Variants in OPRD1 observed in about 807,000 individuals in gnomAD.
The protein encoded by OPRD1 is opioid receptor delta 1, also known as delta-type opioid receptor.
A neutral mutation model predicts 17.5 loss-of-function variants in OPRD1; 19 were observed. The observed-to-expected ratio is 1.09, with a 90% confidence interval of 0.76 to 1.60. The LOEUF is 1.60. Ranked by LOEUF, OPRD1 falls within the 40% of genes most tolerant of loss-of-function variation. The probability of loss-of-function intolerance (pLI) is 0.00; values close to 1 mark genes in which losing one functional copy is unlikely to be tolerated. For synonymous variants in OPRD1, 256 were observed against 240.9 expected, an observed-to-expected ratio of 1.06 and a Z score of -0.58; for missense variants, 483 against 547.2, an observed-to-expected ratio of 0.88 and a Z score of 1.17.
intron 1 of OPRD1, among the ~76,000 whole-genome samples, chr1:28,854,852 G>A (rs570520588): frequency 5.3e-4 from 81 of 151,922 alleles, no homozygotes; most frequent in African/African-American, 1.5e-3. Flanking sequence ...GGGTTTCACC[G>A]TGTTAGTCAG....
chr1:28,839,521 G>A (rs1317409561), intron 1 of OPRD1, among the ~76,000 whole-genome samples: 1 of 152,202 alleles, frequency 6.6e-6, no homozygotes, highest in Non-Finnish European at 1.5e-5. Context: ...TTTGGTTGGA[G>A]ACCAAATGAG....
At chr1:28,817,144 C>T (rs1372337518) in intron 1 of OPRD1, among the ~76,000 whole-genome samples, 1 of 152,212 alleles carries the variant, frequency 6.6e-6, no homozygotes, top group Non-Finnish European at 1.5e-5. Flanking sequence ...CTCACCTCAG[C>T]CCATGTCTCT....
intron 1 of OPRD1, among the ~76,000 whole-genome samples, chr1:28,828,466 A>G (rs896889453): frequency 2.0e-5 from 3 of 152,018 alleles, no homozygotes; most frequent in African/African-American, 7.2e-5. Context: ...GGGCCCTAGG[A>G]TTTTTGGAAT....
Position 28,864,856 on chromosome 1 carries a change from G to A in OPRD1, c.*1573G>A, listed in dbSNP as rs2089162292. The A allele has an allele frequency of 6.6e-6, 1 of 152,202 alleles. No homozygotes were observed. The highest frequency in any genetic ancestry group is 2.1e-4 in the South Asian group (1 of 4,820). The allele number at this position is 152,202 out of a possible 1,614,324, so 9.4% of individuals were successfully genotyped here. ...ATCCTCTTCCATTCTCCCAACATCT[G>A]GCTGCATCCATGTGTCTGGTGTCAA... On this transcript the variant is annotated 3_prime_UTR_variant, in exon 3 of 3. Transcript: ENST00000234961.
chr1:28,862,025 C>T (rs2089128358), intron 2 of OPRD1, among the ~76,000 whole-genome samples: 1 of 151,884 alleles, frequency 6.6e-6, no homozygotes. Context: ...CATTCTCCTG[C>T]CTCAGCCTCC....
At chr1:28,832,640 G>C (rs986383462) in intron 1 of OPRD1, among the ~76,000 whole-genome samples, 1 of 151,760 alleles carries the variant, frequency 6.6e-6, no homozygotes, top group Non-Finnish European at 1.5e-5. Flanking sequence ...GTAACATACA[G>C]CATGGCCAAA....
intron 1 of OPRD1, among the ~76,000 whole-genome samples, chr1:28,858,502 A>G (rs1343749266): frequency 6.6e-6 from 1 of 151,414 alleles, no homozygotes; most frequent in South Asian, 2.1e-4. Context: ...AGCGATGCCA[A>G]ATCAGATAGT....
chr1:28,855,627 C>T (rs367925302), intron 1 of OPRD1, among the ~76,000 whole-genome samples: 29 of 152,278 alleles, frequency 1.9e-4, no homozygotes, highest in African/African-American at 4.8e-4. Flanking sequence ...CCGCTCAGCC[C>T]GCTTGGACCA....
Position 28,862,969 on chromosome 1 carries a change from G to A in OPRD1, c.805G>A (p.Ala269Thr), listed in dbSNP as rs370180812. The part of the protein sequence containing the change: ...ITRMVLVVVG[A>T]FVVCWAPIHI... ...GCGCATGGTGCTGGTGGTTGTGGGC[G>A]CCTTCGTGGTGTGTTGGGCGCCCAT... The change falls in exon 3 of 3, where the codon GCC (alanine) becomes ACC (threonine). Residue 269 changes from alanine to threonine, a missense_variant. Physicochemically the swap from Ala to Thr is moderately conservative, Grantham distance 58 (BLOSUM62 0). Coordinates refer to ENST00000234961, the MANE Select transcript of OPRD1 (RefSeq NM_000911.4). 6.2e-7 allele frequency: 1 copy of A among 1,611,534 alleles called. No individual in the cohort carries two copies. Among genetic ancestry groups the A allele is most frequent in the East Asian group, 2.2e-5 (1 of 44,796 alleles).
At chr1:28,824,313 C>CTTTTTTTTTT (rs58074384) in intron 1 of OPRD1, among the ~76,000 whole-genome samples, 1 of 109,784 alleles carries the variant, frequency 9.1e-6, no homozygotes, top group Non-Finnish European at 1.8e-5. Context: ...TTTCTTTTTT[C>CTTTTTTTTTT]TTTTTTTTTT....
At chr1:28,849,493 TAC>T (rs370722261) in intron 1 of OPRD1, among the ~76,000 whole-genome samples, 15 of 151,504 alleles carry the variant, frequency 9.9e-5, no homozygotes, top group Non-Finnish European at 1.9e-4. Context: ...CTGATACACA[TAC>T]ACACACACAC....
At chr1:28,821,617 A>G (rs565873482) in intron 1 of OPRD1, among the ~76,000 whole-genome samples, 1 of 152,332 alleles carries the variant, frequency 6.6e-6, no homozygotes, top group Non-Finnish European at 1.5e-5. Context: ...TGAGATGCCT[A>G]TTCACTTAAC....
At chr1:28,844,265 A>T (rs2088920833) in intron 1 of OPRD1, among the ~76,000 whole-genome samples, 1 of 149,806 alleles carries the variant, frequency 6.7e-6, no homozygotes, top group Non-Finnish European at 1.5e-5. Context: ...GCATCTTTTC[A>T]TGGGCTTATT....
chr1:28,819,706 C>T, intron 1 of OPRD1, among the ~76,000 whole-genome samples: 1 of 152,214 alleles, frequency 6.6e-6, no homozygotes, highest in South Asian at 2.1e-4. Context: ...ACCCAGGCCT[C>T]TCTGACTCCA....
chr1:28,853,736 ATTTTCTTTTTT>A (rs1454126489), intron 1 of OPRD1, among the ~76,000 whole-genome samples: 3 of 149,928 alleles, frequency 2.0e-5, no homozygotes, highest in Admixed American at 6.6e-5. Context: ...CAGAAATAAA[ATTTTCTTTTTT>A]TTTTCTTTTT....
At chr1:28,817,027 A>C (rs1455574535) in intron 1 of OPRD1, among the ~76,000 whole-genome samples, 1 of 151,748 alleles carries the variant, frequency 6.6e-6, no homozygotes. Context: ...CTGCGCCCCG[A>C]GCTAGGTTTC....
chr1:28,823,912 TA>T (rs1452828097), intron 1 of OPRD1, among the ~76,000 whole-genome samples: 1 of 147,802 alleles, frequency 6.8e-6, no homozygotes, highest in African/African-American at 2.5e-5. Context: ...GTGCGGTGGC[TA>T]ACACCTGTAA....
intron 1 of OPRD1, among the ~76,000 whole-genome samples, chr1:28,817,774 G>A (rs1313437280): frequency 6.6e-6 from 1 of 151,412 alleles, no homozygotes; most frequent in Admixed American, 6.6e-5. Flanking sequence ...GTGTGATCTC[G>A]GCTCACTGCA....
rs190913004 is a variant in OPRD1 at position 28,846,943 on chromosome 1, T to G, written c.228-12011T>G. Among the ~76,000 whole-genome samples, 327 of 150,746 alleles carry G rather than the reference T, an allele frequency of 2.2e-3. 1 individual carries two copies. Among genetic ancestry groups the G allele is most frequent in the African/African-American group, 7.4e-3 (303 of 40,930 alleles). On this transcript the variant is annotated intron_variant, in intron 1 of 2. Transcript: ENST00000234961. Reference sequence around the variant, plus strand: ...TCTTTCTTTTTCTTCCTTCCTTCCTTCCTTTTCTTTCTCTTTCTCTCTTTC... The same window carrying G: ...TCTTTCTTTTTCTTCCTTCCTTCCTGCCTTTTCTTTCTCTTTCTCTCTTTC...
Sources: allele counts gnomAD v4.1 joint callset (sites outside exome capture counted in the v4.1 genomes callset), GRCh38; gene constraint gnomAD v4.1.1; transcripts MANE v1.5; gene names NCBI Gene and HGNC (gene_info 2026-07-23, HGNC 2026-07-21).